OR2T35: variants seen among roughly 807,000 people sequenced by gnomAD.
OR2T35 encodes the protein olfactory receptor 2T35.
For synonymous variants in OR2T35, 18 were observed against 110.2 expected (o/e 0.16, Z 5.24); for missense variants, 47 against 278.8 (o/e 0.17, Z 5.92).
chr1:248,639,661 C>T (rs1291351515), intron 1 of OR2T35, among the ~76,000 whole-genome samples: 4 of 78,782 alleles, frequency 5.1e-5, no homozygotes, highest in South Asian at 1.1e-3. Context: ...TCCCATTTCG[C>T]CTAGCGAAAT....
At chr1:248,643,121 C>CTAAA in intron 1 of OR2T35, among the ~76,000 whole-genome samples, 1 of 117,616 alleles carries the variant, frequency 8.5e-6, no homozygotes, top group Non-Finnish European at 1.9e-5. Flanking sequence ...AGGTGTTTAG[C>CTAAA]CACAAATAAC....
In OR2T35 at chr1:248,645,151, A is replaced by C. The variant is rs1572110154; in HGVS notation, c.-23+96T>G. On this transcript the variant is annotated intron_variant, in intron 1 of 1. Transcript: ENST00000641268. ...AAAAAAACAAAACAAAATCAGCACT[A>C]TAATGGCATGTAGGTGAACATTTAT... 2.1e-5 allele frequency: 3 copies of C among 139,994 alleles called. 1 individual carries two copies. Among genetic ancestry groups the C allele is most frequent in the African/African-American group, 7.8e-5 (3 of 38,384 alleles). 8.7% of individuals were successfully genotyped at this position (139,994 alleles called of 1,614,324 possible). A position where few individuals can be genotyped will look rare whatever the true frequency, so the allele number is the denominator to read the frequency against.
intron 1 of OR2T35, among the ~76,000 whole-genome samples, chr1:248,639,521 G>A (rs1281298842): frequency 6.7e-6 from 1 of 149,980 alleles, no homozygotes; most frequent in Admixed American, 6.7e-5. Flanking sequence ...CTGGATGTGA[G>A]ATGTAAATGT....
intron 1 of OR2T35, among the ~76,000 whole-genome samples, chr1:248,644,225 G>GAAT (rs1376213267): frequency 3.4e-4 from 25 of 74,220 alleles, no homozygotes; most frequent in African/African-American, 9.2e-4. Context: ...TTAAAGAGAG[G>GAAT]AATACCATGT....
intron 1 of OR2T35, among the ~76,000 whole-genome samples, chr1:248,643,394 CGG>C: frequency 8.3e-5 from 1 of 12,088 alleles, no homozygotes; most frequent in South Asian, 1.7e-3. Context: ...CACTAAGAGA[CGG>C]AGGAAGAGAA....
At chr1:248,642,230 A>AAAAAAAAAAAAG (rs1660795440) in intron 1 of OR2T35, among the ~76,000 whole-genome samples, 3 of 52,650 alleles carry the variant, frequency 5.7e-5, no homozygotes, top group Non-Finnish European at 1.3e-4. Context: ...AAAAAAAAAA[A>AAAAAAAAAAAAG]AAAAAGAAAA....
In OR2T35 at chr1:248,638,153, T is replaced by C. The variant is rs1249559254; in HGVS notation, c.*134A>G. ...CATATTTTCTGTAATAGCTGCGTTATTGGCCGCAGCACCGCAGATGTTTGC... is the reference window on the plus strand; with the variant it reads ...CATATTTTCTGTAATAGCTGCGTTACTGGCCGCAGCACCGCAGATGTTTGC... On this transcript the variant is annotated 3_prime_UTR_variant, in exon 2 of 2. Transcript: ENST00000641268. The C allele has an allele frequency of 5.4e-6, 3 of 554,070 alleles. No homozygotes were observed. Among genetic ancestry groups the C allele is most frequent in the African/African-American group, 3.4e-5 (2 of 58,182 alleles). The allele number at this position is 554,070 out of a possible 1,614,324, so 34.3% of individuals were successfully genotyped here.
At position 248,637,134 on chromosome 1, in the gene OR2T35, GTCTTGGTTT is replaced by G. The variant is rs1660716577; in HGVS notation, c.*1144_*1152del. 1 of 3,114 alleles carries G rather than the reference GTCTTGGTTT, an allele frequency of 3.2e-4. No individual in the cohort carries two copies. Among genetic ancestry groups the G allele is most frequent in the African/African-American group, 3.7e-4 (1 of 2,738 alleles). 0.2% of individuals were successfully genotyped at this position (3,114 alleles called of 1,614,324 possible). On this transcript the variant is annotated 3_prime_UTR_variant, in exon 2 of 2. Coordinates refer to ENST00000641268, the MANE Select transcript of OR2T35 (RefSeq NM_001001827.2). ...CGGGAACTAAGTTAGCTAATAAAAT[GTCTTGGTTT>G]ATTCATTCTACATTTATCTATTAAC...
At chr1:248,642,216 C>CAAAAAAAAAAAAAAA (rs61189391) in intron 1 of OR2T35, among the ~76,000 whole-genome samples, 14 of 53,648 alleles carry the variant, frequency 2.6e-4, no homozygotes, top group Non-Finnish European at 6.5e-4. Flanking sequence ...CTAGTCTTTC[C>CAAAAAAAAAAAAAAA]AAAAAAAAAA....
rs1009534401 is a variant in OR2T35 at position 248,638,456 on chromosome 1, G to A, written c.803C>T (p.Pro268Leu). The A allele has an allele frequency of 1.3e-5, 17 of 1,266,192 alleles. No homozygotes were observed. Among genetic ancestry groups the A allele is most frequent in the Non-Finnish European group, 1.9e-5 (17 of 882,482 alleles). The allele number at this position is 1,266,192 out of a possible 1,614,324, so 78.4% of individuals were successfully genotyped here. A position where few individuals can be genotyped will look rare whatever the true frequency, so the allele number is the denominator to read the frequency against. The change falls in exon 2 of 2, where the codon CCA becomes CTA. Residue 268 changes from proline to leucine, a missense_variant. By Grantham distance (98) the Pro-to-Leu change is moderately conservative. Transcript: ENST00000641268. Reference protein sequence around the residue: ...TNVLPHSYHTPEKDKVVSAFY... With the variant: ...TNVLPHSYHTLEKDKVVSAFY... ...GGCAGACACCACTTTATCTTTCTCT[G>A]GAGTGTGGTAGGAGTGGGGCAGCAC...
At chr1:248,642,224 A>AAAAAAAAAAAAG (rs1281408885) in intron 1 of OR2T35, among the ~76,000 whole-genome samples, 1 of 58,460 alleles carries the variant, frequency 1.7e-5, no homozygotes, top group Non-Finnish European at 5.0e-5. Flanking sequence ...TCCAAAAAAA[A>AAAAAAAAAAAAG]AAAAAAAAAA....
intron 1 of OR2T35, among the ~76,000 whole-genome samples, chr1:248,644,576 T>TG (rs1401449855): frequency 1.4e-5 from 2 of 142,710 alleles, no homozygotes; most frequent in Non-Finnish European, 3.1e-5. Context: ...CTGAGGTGTG[T>TG]GGGGTGGAGT....
In OR2T35 at chr1:248,645,131, A is replaced by AC. The variant is rs778245726; in HGVS notation, c.-23+115_-23+116insG. On this transcript the variant is annotated intron_variant, in intron 1 of 1. Coordinates refer to ENST00000641268, the MANE Select transcript of OR2T35 (RefSeq NM_001001827.2). Reference sequence around the variant, plus strand: ...AGAGGTTTGCTTGGCTTAAAAAAAAAACAAAACAAAATCAGCACTATAATG... The same window carrying AC: ...AGAGGTTTGCTTGGCTTAAAAAAAAACACAAAACAAAATCAGCACTATAATG... 8.2e-5 allele frequency: 11 copies of AC among 133,552 alleles called. 1 individual carries two copies. Among genetic ancestry groups the AC allele is most frequent in the Admixed American group, 3.0e-4 (4 of 13,324 alleles). The allele number at this position is 133,552 out of a possible 1,614,324, so 8.3% of individuals were successfully genotyped here.
rs1381693221 is a variant in OR2T35 at position 248,638,183 on chromosome 1, G to C, written c.*104C>G. Reference sequence around the variant, plus strand: ...CGCAGCACCGCAGATGTTTGCACTAGTCCCTGCTAGTCCTTCCTGATCAGT... The same window carrying C: ...CGCAGCACCGCAGATGTTTGCACTACTCCCTGCTAGTCCTTCCTGATCAGT... On this transcript the variant is annotated 3_prime_UTR_variant, in exon 2 of 2. Coordinates refer to ENST00000641268, the MANE Select transcript of OR2T35 (RefSeq NM_001001827.2). 3.4e-6 allele frequency: 3 copies of C among 877,312 alleles called. No homozygotes were observed. The Admixed American group carries it at 7.1e-5, about 21-fold the overall frequency. The allele number at this position is 877,312 out of a possible 1,614,324, so 54.3% of individuals were successfully genotyped here.
intron 1 of OR2T35, 60 bp downstream of exon 1, chr1:248,645,187 C>A (rs1660846683): frequency 7.6e-6 from 1 of 132,026 alleles, no homozygotes; most frequent in African/African-American, 2.7e-5. Context: ...TGAACACTTA[C>A]TATGCCAGAA....
chr1:248,644,624 C>A (rs528345154), intron 1 of OR2T35, among the ~76,000 whole-genome samples: 2 of 144,182 alleles, frequency 1.4e-5, no homozygotes, highest in Non-Finnish European at 3.1e-5. Context: ...CAGAACTCAG[C>A]GTCGAGAAAT....
intron 1 of OR2T35, among the ~76,000 whole-genome samples, chr1:248,642,184 C>T: frequency 1.3e-5 from 1 of 74,168 alleles, no homozygotes; most frequent in Admixed American, 1.5e-4. Context: ...CACTCTAAGA[C>T]ACTTAGGTTC....
intron 1 of OR2T35, among the ~76,000 whole-genome samples, chr1:248,644,708 C>CA (rs1660834183): frequency 7.1e-6 from 1 of 140,724 alleles, no homozygotes; most frequent in Non-Finnish European, 1.6e-5. Flanking sequence ...ATCCACCTGG[C>CA]AGTTTTAGTC....
chr1:248,642,241 AG>A (rs1653140071), intron 1 of OR2T35, among the ~76,000 whole-genome samples: 41 of 102,280 alleles, frequency 4.0e-4, no homozygotes, highest in Middle Eastern at 0.012. Flanking sequence ...AAAAAGAAAA[AG>A]AAAAAGAAAA....
Sources: allele counts gnomAD v4.1 joint callset (sites outside exome capture counted in the v4.1 genomes callset), GRCh38; gene constraint gnomAD v4.1.1; transcripts MANE v1.5; gene names NCBI Gene and HGNC (gene_info 2026-07-23, HGNC 2026-07-21).